Variants in AKAP9 observed in about 807,000 individuals in gnomAD.
AKAP9 encodes A-kinase anchor protein 9.
A neutral mutation model predicts 488.5 loss-of-function variants in AKAP9; 311 were observed. That is an observed-to-expected ratio of 0.64 (90% confidence interval 0.58 to 0.70). The LOEUF is 0.70. Among genes scored for constraint, AKAP9 ranks in the 30% least tolerant of loss-of-function variants. The pLI, the probability that AKAP9 is intolerant of heterozygous loss-of-function variation, is 0.00. For synonymous variants in AKAP9, 1,462 were observed against 1,483.5 expected (o/e 0.99, Z 0.33); for missense variants, 4,215 against 4,374.5 (o/e 0.96, Z 1.03).
chr7:92,099,246 T>C (rs1386918975), intron 43 of AKAP9, among the ~76,000 whole-genome samples: 1 of 152,206 alleles, frequency 6.6e-6, no homozygotes, highest in African/African-American at 2.4e-5. Flanking sequence ...GCTTTCAGCA[T>C]TTCTTACCTG....
rs201545032 is a variant in AKAP9, at chr7:92,066,518, A to C, written c.6302A>C (p.Gln2101Pro). Residue 2101 changes from glutamine to proline, a missense_variant, in exon 26 of 50, where the codon CAG (glutamine) becomes CCG (proline). Gln to Pro is a moderately conservative substitution (Grantham distance 76). Coordinates refer to ENST00000356239, the MANE Select transcript of AKAP9 (RefSeq NM_005751.5). Reference protein sequence around the residue: ...EQQLKVVPRFQPISEHQTREV... With the variant: ...EQQLKVVPRFPPISEHQTREV... ...CAACTTAAGGTTGTTCCTCGATTCC[A>C]GCCTATCAGTGAACATCAAACTAGA... is the stretch of plus-strand genomic sequence containing the variant. 1.5e-5 allele frequency: 25 copies of C among 1,613,570 alleles called. No homozygotes were observed. In the East Asian group the frequency reaches 4.7e-4, roughly 30 times the overall value.
At chr7:92,018,826 C>A (rs978220519) in intron 12 of AKAP9, among the ~76,000 whole-genome samples, 14 of 152,156 alleles carry the variant, frequency 9.2e-5, no homozygotes, top group African/African-American at 3.4e-4. Context: ...TTAGGTCAGT[C>A]CTTCTGAGCT....
intron 12 of AKAP9, among the ~76,000 whole-genome samples, chr7:92,018,333 A>G (rs941622179): frequency 4.6e-5 from 7 of 151,540 alleles, no homozygotes; most frequent in Non-Finnish European, 8.8e-5. Context: ...TGCATGAGCT[A>G]TGATTGTGCC....
intron 26 of AKAP9, among the ~76,000 whole-genome samples, chr7:92,068,071 G>C (rs1811042870): frequency 6.6e-6 from 1 of 151,894 alleles, no homozygotes; most frequent in African/African-American, 2.4e-5. Flanking sequence ...AAAGTTATCA[G>C]TCTCCAGGGC....
At chr7:91,987,243 C>G (rs926612962) in intron 3 of AKAP9, among the ~76,000 whole-genome samples, 1 of 151,942 alleles carries the variant, frequency 6.6e-6, no homozygotes, top group African/African-American at 2.4e-5. Flanking sequence ...CATGCTGAAA[C>G]CCCATGTCTA....
intron 3 of AKAP9, among the ~76,000 whole-genome samples, chr7:91,988,246 A>G (rs1374061133): frequency 2.1e-5 from 3 of 141,492 alleles, no homozygotes; most frequent in Non-Finnish European, 4.6e-5. Context: ...GCCCAGGAGT[A>G]TGATCACACC....
chr7:92,002,484 A>G lies in AKAP9; in HGVS notation c.2567A>G (p.Asn856Ser), dbSNP rs1283444068. Residue 856 changes from asparagine (N) to serine (S), a missense_variant, in exon 8 of 50, where the codon AAC becomes AGC. Asn to Ser is a conservative substitution (Grantham distance 46). Transcript: ENST00000356239. ...AACACTTTTTCATTTGCTGAAAAAA[A>G]CTTTGAAGTTAACTATCAAGAGTTA... ...QRNTFSFAEK[N>S]FEVNYQELQE... is the part of the protein sequence containing the mutation. 6.8e-6 allele frequency: 11 copies of G among 1,611,364 alleles called. No homozygotes were observed. Among genetic ancestry groups the G allele is most frequent in the Non-Finnish European group, 8.5e-6 (10 of 1,179,236 alleles).
Position 91,941,046 on chromosome 7 carries a change from C to A in AKAP9, c.-54C>A, listed in dbSNP as rs1461114043. The A allele has an allele frequency of 1.2e-5, 19 of 1,561,602 alleles. No individual in the cohort carries two copies. The highest frequency in any genetic ancestry group is 1.7e-5 in the Non-Finnish European group (19 of 1,132,158). Reference sequence around the variant, plus strand: ...CTCCGTCCAAATCGACCTTTCCTTTCTATCCCCAACCACCCCTCAACCCCT... The same window carrying A: ...CTCCGTCCAAATCGACCTTTCCTTTATATCCCCAACCACCCCTCAACCCCT... On this transcript the variant is annotated 5_prime_UTR_variant, in exon 1 of 50. Transcript: ENST00000356239.
chr7:91,984,690 G>A (rs1364748445), intron 3 of AKAP9, among the ~76,000 whole-genome samples: 1 of 152,104 alleles, frequency 6.6e-6, no homozygotes, highest in East Asian at 1.9e-4. Context: ...AGCTTGATGG[G>A]GATGGCATTC....
At chr7:91,960,092 C>T (rs886168303) in intron 1 of AKAP9, among the ~76,000 whole-genome samples, 4 of 152,052 alleles carry the variant, frequency 2.6e-5, no homozygotes, top group African/African-American at 9.7e-5. Flanking sequence ...GCAGCATTGA[C>T]AAGTATATAT....
At chr7:92,000,476 G>A (rs896214253) in intron 7 of AKAP9, among the ~76,000 whole-genome samples, 1 of 152,162 alleles carries the variant, frequency 6.6e-6, no homozygotes, top group African/African-American at 2.4e-5. Flanking sequence ...AGTATATGCA[G>A]TACTTTAGCT....
intron 8 of AKAP9, among the ~76,000 whole-genome samples, chr7:92,007,960 T>TG (rs1180310577): frequency 1.3e-5 from 2 of 152,200 alleles, no homozygotes; most frequent in Non-Finnish European, 2.9e-5. Flanking sequence ...TATCAGAGCA[T>TG]GTAGACTTAA....
rs1444325569 is a variant in AKAP9, at chr7:91,941,069, CCT to C, written c.-30_-29del. Reference sequence around the variant, plus strand: ...TTCTATCCCCAACCACCCCTCAACCCCTGTTTTCCCCTGCCTTCCTTGCAGAG... The same window carrying C: ...TTCTATCCCCAACCACCCCTCAACCCGTTTTCCCCTGCCTTCCTTGCAGAG... On this transcript the variant is annotated 5_prime_UTR_variant, in exon 1 of 50. Transcript: ENST00000356239. The C allele has an allele frequency of 2.5e-6, 4 of 1,607,980 alleles. No homozygotes were observed. The highest frequency in any genetic ancestry group is 3.4e-6 in the Non-Finnish European group (4 of 1,174,354).
At chr7:92,036,516 G>T (rs1389925892) in intron 16 of AKAP9, among the ~76,000 whole-genome samples, 1 of 151,924 alleles carries the variant, frequency 6.6e-6, no homozygotes, top group Non-Finnish European at 1.5e-5. Context: ...CTTGAATCTT[G>T]GCAGTGGTAT....
intron 27 of AKAP9, among the ~76,000 whole-genome samples, 193 bp from the exon 28 acceptor site, chr7:92,070,712 G>A (rs546602490): frequency 1.3e-5 from 2 of 151,556 alleles, no homozygotes; most frequent in African/African-American, 4.8e-5. Context: ...TGGGATTACA[G>A]GCGTGAGCCA....
At chr7:92,008,300 G>A (rs1800203429) in intron 8 of AKAP9, among the ~76,000 whole-genome samples, 2 of 152,132 alleles carry the variant, frequency 1.3e-5, no homozygotes, top group Non-Finnish European at 2.9e-5. Flanking sequence ...CCGGGAGGCA[G>A]AGGTTGCAGT....
Position 91,973,850 on chromosome 7 carries a change from A to G in AKAP9, c.188A>G (p.Asn63Ser). ...TTGAATATTGATCAATCACAGTGTA[A>G]TGAAATGTACATAAATAGTTCTCAG... ...HDLNIDQSQC[N>S]EMYINSSQRV... Residue 63 changes from asparagine to serine, a missense_variant, in exon 2 of 50, where the codon AAT (asparagine) becomes AGT (serine). This residue lies in a region of AKAP9 where 2,361 missense variants were observed against 2,430.0 expected (regional missense o/e 0.97). Coordinates refer to ENST00000356239, the MANE Select transcript of AKAP9 (RefSeq NM_005751.5). The G allele has an allele frequency of 6.2e-7, 1 of 1,614,168 alleles. No individual in the cohort carries two copies. Among genetic ancestry groups the G allele is most frequent in the Admixed American group, 1.7e-5 (1 of 60,032 alleles).
intron 22 of AKAP9, among the ~76,000 whole-genome samples, chr7:92,053,174 T>G (rs1195971371): frequency 6.6e-6 from 1 of 152,200 alleles, no homozygotes; most frequent in Non-Finnish European, 1.5e-5. Context: ...TTTTGTTTTG[T>G]TTTGGTTTTT....
intron 16 of AKAP9, among the ~76,000 whole-genome samples, chr7:92,035,327 A>G (rs1291714659): frequency 6.6e-6 from 1 of 152,200 alleles, no homozygotes; most frequent in East Asian, 1.9e-4. Context: ...AAAATACCTC[A>G]TATAATTTCA....
Sources: allele counts gnomAD v4.1 joint callset (sites outside exome capture counted in the v4.1 genomes callset), GRCh38; gene constraint gnomAD v4.1.1; regional missense constraint gnomAD v4.1.1; transcripts MANE v1.5; gene names NCBI Gene and HGNC (gene_info 2026-07-23, HGNC 2026-07-21).